C5orf47: variants seen among roughly 807,000 people sequenced by gnomAD.
C5orf47 encodes the protein uncharacterized protein C5orf47.
A neutral mutation model predicts 20.6 loss-of-function variants in C5orf47; 20 were observed. The observed-to-expected ratio is 0.97, with a 90% CI of 0.68 to 1.41. C5orf47 has a LOEUF of 1.41. Ranked by LOEUF, C5orf47 falls within the 40% of genes most tolerant of loss-of-function variation. The pLI is 0.00. For synonymous variants in C5orf47, 106 were observed against 97.3 expected (o/e 1.09, Z -0.53); for missense variants, 262 against 238.4 (o/e 1.10, Z -0.65).
chr5:173,999,650 T>C, intron 2 of C5orf47, 50 bp from the exon 3 acceptor site: 1 of 870,396 alleles, frequency 1.1e-6, no homozygotes, highest in South Asian at 2.0e-5. Context: ...CATGAAAATA[T>C]ATTCCTACTT....
chr5:174,001,654 C>T (rs1759198708), intron 4 of C5orf47, among the ~76,000 whole-genome samples: 1 of 152,034 alleles, frequency 6.6e-6, no homozygotes, highest in South Asian at 2.1e-4. Flanking sequence ...GTCTTAGTAT[C>T]CTGTAGGCTG....
chr5:174,003,797 A>T (rs1279321872), intron 4 of C5orf47, among the ~76,000 whole-genome samples: 1 of 152,144 alleles, frequency 6.6e-6, no homozygotes, highest in Non-Finnish European at 1.5e-5. Flanking sequence ...AAATCAAGGG[A>T]TTGGGAGTTC....
At chr5:174,001,268 A>G in intron 4 of C5orf47, 37 bp downstream of exon 4, 2 of 1,129,480 alleles carry the variant, frequency 1.8e-6, no homozygotes, top group South Asian at 1.4e-5. Flanking sequence ...TGGAATATAG[A>G]TTTTATTCCC....
At chr5:173,990,124 AAT>A (rs1491113780) in intron 1 of C5orf47, among the ~76,000 whole-genome samples, 2 of 130,118 alleles carry the variant, frequency 1.5e-5, no homozygotes, top group African/African-American at 2.8e-5. Context: ...ATAGGAAGCC[AAT>A]TTTTTTTTTT....
chr5:174,002,609 T>G (rs1759219209), intron 4 of C5orf47, among the ~76,000 whole-genome samples: 1 of 152,172 alleles, frequency 6.6e-6, no homozygotes. Flanking sequence ...TCTCTCTCTG[T>G]GTGTAAATAC....
intron 1 of C5orf47, among the ~76,000 whole-genome samples, chr5:173,994,071 A>G (rs1246146785): frequency 2.0e-5 from 3 of 152,204 alleles, no homozygotes; most frequent in African/African-American, 7.2e-5. Flanking sequence ...AAGAAGTGGT[A>G]GTTGGTTGGC....
rs1193065351 is a variant in C5orf47, at chr5:174,004,818, TA to T, written c.*567del. The T allele has an allele frequency of 1.3e-5, 2 of 152,254 alleles. No homozygotes were observed. The highest frequency in any genetic ancestry group is 4.8e-5 in the African/African-American group (2 of 41,450). The allele number at this position is 152,254 out of a possible 1,614,324, so 9.4% of individuals were successfully genotyped here. ...ATCTTTTCATCCTAAGGAAAATTAG[TA>T]AATGTATGCATTTATAATATGGATA... On this transcript the variant is annotated 3_prime_UTR_variant, in exon 5 of 5. Coordinates refer to ENST00000340147, the MANE Select transcript of C5orf47 (RefSeq NM_001144954.2).
chr5:174,002,098 A>G (rs562450047), intron 4 of C5orf47, among the ~76,000 whole-genome samples: 5 of 151,878 alleles, frequency 3.3e-5, no homozygotes, highest in African/African-American at 1.2e-4. Flanking sequence ...AGATAGGACT[A>G]CAAGTATGCA....
chr5:174,007,644 G>A (rs561284013), downstream of C5orf47, among the ~76,000 whole-genome samples: 6 of 147,818 alleles, frequency 4.1e-5, no homozygotes, highest in Non-Finnish European at 5.9e-5. Context: ...TGGAACCTCC[G>A]CCCCCTAGGT....
chr5:173,990,595 C>T (rs993739548), intron 1 of C5orf47, among the ~76,000 whole-genome samples: 2 of 152,076 alleles, frequency 1.3e-5, no homozygotes, highest in Non-Finnish European at 2.9e-5. Context: ...CCACCAATGC[C>T]CAGCTAATTT....
chr5:173,998,528 GA>G (rs1372916044), intron 2 of C5orf47, among the ~76,000 whole-genome samples: 7 of 152,216 alleles, frequency 4.6e-5, no homozygotes, highest in Admixed American at 1.3e-4. Context: ...ATGTTCCACA[GA>G]ATATAATAAA....
At position 173,989,227 on chromosome 5, in the gene C5orf47, T is replaced by G; in HGVS notation, c.-37T>G. 7.3e-7 allele frequency: 1 copy of G among 1,364,844 alleles called. No individual in the cohort carries two copies. Among genetic ancestry groups the G allele is most frequent in the Non-Finnish European group, 9.4e-7 (1 of 1,059,486 alleles). 84.5% of individuals were successfully genotyped at this position (1,364,844 alleles called of 1,614,324 possible). On this transcript the variant is annotated 5_prime_UTR_variant, in exon 1 of 5. Transcript: ENST00000340147. ...GCAGTCTGGCGCCTGTGGCGTCGTG[T>G]TTGCTGAGGGCCCGGCTGCCGTTGA... is the stretch of plus-strand genomic sequence containing the variant.
rs1025035861 is a variant in C5orf47, at chr5:173,989,174, G to C, written c.-90G>C. On this transcript the variant is annotated 5_prime_UTR_variant, in exon 1 of 5. Coordinates refer to ENST00000340147, the MANE Select transcript of C5orf47 (RefSeq NM_001144954.2). The stretch of plus-strand genomic sequence containing the variant: ...CCCGCAGGGTGGTCTGGCCCTAACC[G>C]CTCCCGCATCCCTCGCCTGCACAGT... The C allele has an allele frequency of 2.6e-5, 29 of 1,135,372 alleles. No homozygotes were observed. Among genetic ancestry groups the C allele is most frequent in the Middle Eastern group, 2.5e-4 (1 of 4,044 alleles). 70.3% of individuals were successfully genotyped at this position (1,135,372 alleles called of 1,614,324 possible).
rs1758925649 is a variant in C5orf47 at position 173,989,224 on chromosome 5, G to A, written c.-40G>A. ...TGGGCAGTCTGGCGCCTGTGGCGTC[G>A]TGTTTGCTGAGGGCCCGGCTGCCGT... On this transcript the variant is annotated 5_prime_UTR_variant, in exon 1 of 5. In the 5' UTR this introduces an upstream ATG that the reference lacks. Transcript: ENST00000340147. The A allele has an allele frequency of 6.6e-6, 9 of 1,363,012 alleles. No individual in the cohort carries two copies. Among genetic ancestry groups the A allele is most frequent in the African/African-American group, 4.6e-5 (3 of 65,422 alleles). 84.4% of individuals were successfully genotyped at this position (1,363,012 alleles called of 1,614,324 possible).
At chr5:173,997,814 A>G (rs13177353) in intron 1 of C5orf47, among the ~76,000 whole-genome samples, 17,050 of 152,190 alleles carry the variant, frequency 0.11, 2,256 homozygotes, top group East Asian at 0.65. Flanking sequence ...AGTTGCACTG[A>G]GAAGAATGGA....
intron 3 of C5orf47, 76 bp downstream of exon 3, chr5:173,999,875 A>G (rs751848896): frequency 1.4e-6 from 1 of 715,316 alleles, no homozygotes; most frequent in Non-Finnish European, 2.3e-6. Flanking sequence ...ATTGCATGAG[A>G]TCAGTAGTTT....
chr5:174,000,352 T>G (rs1759173695), intron 3 of C5orf47, among the ~76,000 whole-genome samples: 1 of 152,112 alleles, frequency 6.6e-6, no homozygotes, highest in African/African-American at 2.4e-5. Flanking sequence ...CAGAGCGAAA[T>G]TAGATGTAGT....
downstream of C5orf47, among the ~76,000 whole-genome samples, chr5:174,006,765 A>G (rs567421130): frequency 6.6e-6 from 1 of 152,306 alleles, no homozygotes; most frequent in South Asian, 2.1e-4. Context: ...ATGCTGCTGC[A>G]GTAGTATTCC....
At chr5:174,001,363 T>C (rs1479748539) in intron 4 of C5orf47, 132 bp downstream of exon 4, 5 of 601,144 alleles carry the variant, frequency 8.3e-6, no homozygotes, top group Non-Finnish European at 1.2e-5. Context: ...TTAAATACAG[T>C]GTTTGGCACA....
Sources: gnomAD v4.1 joint callset for allele counts (sites outside exome capture counted in the v4.1 genomes callset) on GRCh38, gnomAD v4.1.1 for gene constraint, MANE v1.5 for transcripts, NCBI Gene and HGNC (gene_info 2026-07-23, HGNC 2026-07-21) for gene names.